The following AIRIM variants were observed in gnomAD, a reference collection of about 807,000 sequenced individuals.
AIRIM encodes AFG2 interacting ribosome maturation factor.
the AIRIM span, among the ~76,000 whole-genome samples, chr1:37,686,034 C>T: frequency 6.6e-6 from 1 of 152,164 alleles, no homozygotes; most frequent in South Asian, 2.1e-4. Context: ...TATCGCCATT[C>T]AGCATTCTAC....
At chr1:37,683,177 G>A in the AIRIM span, 1 of 1,609,012 alleles carries the variant, frequency 6.2e-7, no homozygotes. Context: ...TAGGAAGACA[G>A]AAAAAATGGC....
the AIRIM span, chr1:37,689,818 C>T: frequency 6.2e-7 from 1 of 1,608,412 alleles, no homozygotes; most frequent in Non-Finnish European, 8.5e-7. Flanking sequence ...GCTGCTCCTC[C>T]ACCACGGGGA....
the AIRIM span, chr1:37,683,626 A>G: frequency 1.9e-5 from 11 of 592,952 alleles, no homozygotes; most frequent in Non-Finnish European, 3.1e-5. Flanking sequence ...GCTTTGTGCT[A>G]CAGGGAAAGA....
the AIRIM span, chr1:37,683,094 C>A: frequency 6.2e-7 from 1 of 1,603,092 alleles, no homozygotes; most frequent in African/African-American, 1.3e-5. Context: ...AACTGTGGTA[C>A]CCGTGGTCTC....
the AIRIM span, among the ~76,000 whole-genome samples, chr1:37,688,447 C>G: frequency 6.6e-6 from 1 of 152,176 alleles, no homozygotes; most frequent in Non-Finnish European, 1.5e-5. Flanking sequence ...TCCCCAGAAA[C>G]TTCCCCACTC....
the AIRIM span, chr1:37,691,332 A>AG: frequency 6.6e-6 from 1 of 152,196 alleles, no homozygotes. Flanking sequence ...CTCAACTCAG[A>AG]GGGGGAGAGG....
At chr1:37,690,368 T>C in the AIRIM span, 1 of 1,289,918 alleles carries the variant, frequency 7.8e-7, no homozygotes, top group Admixed American at 2.3e-5. Context: ...AGAGGATTCC[T>C]GGCGTCCAAG....
At chr1:37,684,666 A>G in the AIRIM span, among the ~76,000 whole-genome samples, 1 of 152,202 alleles carries the variant, frequency 6.6e-6, no homozygotes, top group East Asian at 1.9e-4. Context: ...TCTACGACTC[A>G]AGGAAAAGGG....
the AIRIM span, among the ~76,000 whole-genome samples, chr1:37,688,965 C>CTAA: frequency 9.4e-6 from 1 of 106,336 alleles, no homozygotes; most frequent in Non-Finnish European, 1.9e-5. Context: ...GACCCTGTCT[C>CTAA]AAAAAAAAAA....
the AIRIM span, among the ~76,000 whole-genome samples, chr1:37,687,191 G>T: frequency 6.6e-6 from 1 of 151,438 alleles, no homozygotes; most frequent in African/African-American, 2.4e-5. Context: ...GCAATGGTGC[G>T]ATCTTGGCTC....
the AIRIM span, among the ~76,000 whole-genome samples, chr1:37,687,050 C>T: frequency 2.9e-5 from 4 of 139,894 alleles, no homozygotes; most frequent in Non-Finnish European, 4.7e-5. Flanking sequence ...AGCGAGACTC[C>T]GTCTCAAAAG....
chr1:37,686,956 G>A, the AIRIM span, among the ~76,000 whole-genome samples: 8 of 151,912 alleles, frequency 5.3e-5, no homozygotes, highest in South Asian at 1.5e-3. Flanking sequence ...CCAGCTACTC[G>A]GGAGGCACGA....
the AIRIM span, chr1:37,689,728 G>A: frequency 5.6e-6 from 9 of 1,613,924 alleles, no homozygotes; most frequent in Admixed American, 8.3e-5. Context: ...GGTTCTGTGC[G>A]GCCTGCAGCT....
the AIRIM span, chr1:37,686,228 C>CCTA: frequency 6.5e-7 from 1 of 1,543,696 alleles, no homozygotes; most frequent in Non-Finnish European, 8.8e-7. Context: ...ATTTGAAAGA[C>CCTA]TTAGAACAGC....
the AIRIM span, among the ~76,000 whole-genome samples, chr1:37,688,660 T>A: frequency 6.6e-6 from 1 of 152,198 alleles, no homozygotes; most frequent in Admixed American, 6.5e-5. Context: ...TGTGACAGTT[T>A]CCTATTAGTC....
chr1:37,685,209 C>CGGGGGGG, the AIRIM span, among the ~76,000 whole-genome samples: 1 of 22,852 alleles, frequency 4.4e-5, no homozygotes, highest in South Asian at 1.0e-3. Flanking sequence ...GGGGGGTGGG[C>CGGGGGGG]GGGGGGTGGT....
At chr1:37,687,410 G>C in the AIRIM span, among the ~76,000 whole-genome samples, 1 of 151,560 alleles carries the variant, frequency 6.6e-6, no homozygotes, top group Non-Finnish European at 1.5e-5. Flanking sequence ...AGGATTACAG[G>C]CATGAGCCAC....
chr1:37,691,496 C>G, the AIRIM span: 1 of 153,222 alleles, frequency 6.5e-6, no homozygotes, highest in East Asian at 1.9e-4. Flanking sequence ...CCAGTCGCCG[C>G]CCGCCTTGAG....
At chr1:37,689,413 C>T in the AIRIM span, 1 of 607,832 alleles carries the variant, frequency 1.6e-6, no homozygotes, top group Non-Finnish European at 2.8e-6. Flanking sequence ...TGCCTAGTCT[C>T]TGACAAAGAA....
Sources: gnomAD v4.1 joint callset for allele counts (sites outside exome capture counted in the v4.1 genomes callset) on GRCh38, gnomAD v4.1.1 for gene constraint, MANE v1.5 for transcripts, NCBI Gene and HGNC (gene_info 2026-07-23, HGNC 2026-07-21) for gene names.